The following NUBPL variants were observed in gnomAD, a reference collection of about 807,000 sequenced individuals.
The protein encoded by NUBPL is NUBP iron-sulfur cluster assembly factor, mitochondrial.
NUBPL carries 31 observed loss-of-function variants against 45.7 expected under a neutral mutation model. The observed-to-expected ratio is 0.68, with a 90% CI of 0.51 to 0.92. The LOEUF (loss-of-function observed/expected upper bound fraction) is 0.92. Among genes scored for constraint, NUBPL ranks in the 40% least tolerant of loss-of-function variants. NUBPL has a pLI of 0.00. For synonymous variants in NUBPL, 144 were observed against 140.9 expected, an observed-to-expected ratio of 1.02 and a Z score of -0.15; for missense variants, 401 against 398.7, an observed-to-expected ratio of 1.01 and a Z score of -0.05.
At chr14:31,648,067 TA>T (rs1334756384) in intron 4 of NUBPL, among the ~76,000 whole-genome samples, 1 of 152,176 alleles carries the variant, frequency 6.6e-6, no homozygotes, top group Non-Finnish European at 1.5e-5. Context: ...GTAATAACAA[TA>T]AGCTAAAAAC....
At chr14:31,751,801 T>C (rs924640284) in intron 6 of NUBPL, among the ~76,000 whole-genome samples, 1 of 152,182 alleles carries the variant, frequency 6.6e-6, no homozygotes, top group Non-Finnish European at 1.5e-5. Context: ...ATTGCCCTAG[T>C]AGAGGTTTTC....
At chr14:31,666,886 C>G (rs1175810414) in intron 4 of NUBPL, among the ~76,000 whole-genome samples, 1 of 152,180 alleles carries the variant, frequency 6.6e-6, no homozygotes, top group Admixed American at 6.5e-5. Context: ...GGCCCCTACT[C>G]TCTTCTGGCT....
At chr14:31,805,780 A>T (rs139868097) in intron 7 of NUBPL, among the ~76,000 whole-genome samples, 102 of 151,728 alleles carry the variant, frequency 6.7e-4, no homozygotes, top group Middle Eastern at 3.4e-3. Context: ...GAAGGAGAGG[A>T]GCTGAAAAAA....
intron 6 of NUBPL, among the ~76,000 whole-genome samples, chr14:31,718,019 C>T (rs1368106046): frequency 6.6e-6 from 1 of 152,080 alleles, no homozygotes; most frequent in Non-Finnish European, 1.5e-5. Flanking sequence ...GGTAGTTAGC[C>T]AAAACATCTA....
At chr14:31,640,041 C>T (rs551670415) in intron 4 of NUBPL, among the ~76,000 whole-genome samples, 14 of 152,246 alleles carry the variant, frequency 9.2e-5, no homozygotes, top group Non-Finnish European at 1.3e-4. Flanking sequence ...GCTTCCTGAG[C>T]GAGGCAGTGC....
chr14:31,656,410 A>G (rs1241498253), intron 4 of NUBPL, among the ~76,000 whole-genome samples: 1 of 152,204 alleles, frequency 6.6e-6, no homozygotes, highest in Non-Finnish European at 1.5e-5. Context: ...CTCTTGGCCT[A>G]TCTTGGTTTT....
At chr14:31,689,516 T>A (rs1361872289) in intron 6 of NUBPL, among the ~76,000 whole-genome samples, 2 of 152,340 alleles carry the variant, frequency 1.3e-5, no homozygotes, top group Non-Finnish European at 1.5e-5. Context: ...ATGGAGTTTT[T>A]TTTTCTTGTA....
intron 7 of NUBPL, among the ~76,000 whole-genome samples, chr14:31,815,480 A>G (rs1741374959): frequency 6.6e-6 from 1 of 152,242 alleles, no homozygotes; most frequent in Admixed American, 6.5e-5. Flanking sequence ...GTCATCTGCA[A>G]ACAAAGACAA....
At chr14:31,792,987 C>T (rs960614917) in intron 7 of NUBPL, among the ~76,000 whole-genome samples, 7 of 152,186 alleles carry the variant, frequency 4.6e-5, no homozygotes, top group African/African-American at 1.7e-4. Context: ...ATCATGTCTG[C>T]TCTTTCAGAC....
intron 4 of NUBPL, among the ~76,000 whole-genome samples, chr14:31,607,496 G>A (rs2139588280): frequency 6.6e-6 from 1 of 151,966 alleles, no homozygotes; most frequent in Admixed American, 6.5e-5. Context: ...ATACTACATA[G>A]AAAGAATTCA....
In NUBPL at chr14:31,789,127, C is replaced by G. The variant is rs145813455; in HGVS notation, c.607+1254C>G. Among the ~76,000 whole-genome samples, 782 of 152,134 alleles carry G rather than the reference C, an allele frequency of 5.1e-3. 2 individuals are homozygous for G. The highest frequency in any genetic ancestry group is 8.2e-3 in the Non-Finnish European group (558 of 67,978). ...GGATCATGAGGTCAGGAGATCGAGA[C>G]CATCCTGGCTAACATGGTGAAACCA... On this transcript the variant is annotated intron_variant, in intron 7 of 10. Coordinates refer to ENST00000281081, the MANE Select transcript of NUBPL (RefSeq NM_025152.3).
chr14:31,763,732 G>A (rs1393342841), intron 6 of NUBPL, among the ~76,000 whole-genome samples: 1 of 152,084 alleles, frequency 6.6e-6, no homozygotes, highest in African/African-American at 2.4e-5. Context: ...CTAGTTTGTT[G>A]TGTTAAATAC....
chr14:31,703,810 T>G (rs1014063045), intron 6 of NUBPL, among the ~76,000 whole-genome samples: 3 of 152,194 alleles, frequency 2.0e-5, no homozygotes, highest in South Asian at 2.1e-4. Flanking sequence ...GCCCAATACC[T>G]GAGATTTTAT....
intron 6 of NUBPL, among the ~76,000 whole-genome samples, chr14:31,749,123 G>T (rs752943710): frequency 2.0e-5 from 3 of 152,140 alleles, no homozygotes; most frequent in Non-Finnish European, 4.4e-5. Context: ...TAACAGTCAA[G>T]ATTATTGATG....
intron 7 of NUBPL, among the ~76,000 whole-genome samples, chr14:31,813,524 C>CAT (rs552438123): frequency 8.6e-4 from 128 of 149,178 alleles, no homozygotes; most frequent in African/African-American, 3.0e-3. Context: ...TATATACACA[C>CAT]ACATACATCC....
intron 6 of NUBPL, among the ~76,000 whole-genome samples, chr14:31,733,274 T>C (rs959196854): frequency 1.3e-5 from 2 of 152,226 alleles, no homozygotes; most frequent in African/African-American, 4.8e-5. Flanking sequence ...CTACGTGTTC[T>C]TGATTGCTGT....
chr14:31,689,558 A>G (rs2037045078), intron 6 of NUBPL, among the ~76,000 whole-genome samples: 2 of 152,116 alleles, frequency 1.3e-5, no homozygotes, highest in South Asian at 4.1e-4. Flanking sequence ...GATGCTGGAT[A>G]TTAGACCTTT....
At chr14:31,645,386 G>A (rs1480780811) in intron 4 of NUBPL, among the ~76,000 whole-genome samples, 1 of 152,086 alleles carries the variant, frequency 6.6e-6, no homozygotes. Context: ...TTTCTAATAG[G>A]CAGCATATAG....
At chr14:31,564,896 C>A in intron 2 of NUBPL, 118 bp from the exon 3 acceptor site, 1 of 636,172 alleles carries the variant, frequency 1.6e-6, no homozygotes, top group Non-Finnish European at 2.8e-6. Flanking sequence ...TAGGTTATTA[C>A]ATGAAAATAT....
Sources: gnomAD v4.1 joint callset for allele counts (sites outside exome capture counted in the v4.1 genomes callset) on GRCh38, gnomAD v4.1.1 for gene constraint, MANE v1.5 for transcripts, NCBI Gene and HGNC (gene_info 2026-07-23, HGNC 2026-07-21) for gene names.